The following FHIT variants were observed in gnomAD, a reference collection of about 807,000 sequenced individuals.
The protein encoded by FHIT is bis(5'-adenosyl)-triphosphatase.
In FHIT, 19 loss-of-function variants were observed where a neutral mutation model predicts 17.9. That is an observed-to-expected ratio of 1.06 (90% CI 0.74 to 1.56). The LOEUF is 1.56. FHIT is among the 40% of genes most tolerant of loss of function. FHIT has a pLI of 0.00. For synonymous variants in FHIT, 81 were observed against 69.7 expected (o/e 1.16, Z -0.81); for missense variants, 248 against 189.2 (o/e 1.31, Z -1.82).
intron 2 of FHIT, among the ~76,000 whole-genome samples, chr3:61,046,082 A>C (rs1333720145): frequency 6.6e-6 from 1 of 152,186 alleles, no homozygotes; most frequent in Non-Finnish European, 1.5e-5. Context: ...TAAAAGAACT[A>C]GAGAAGCAAG....
chr3:61,242,417 C>T (rs370947016), intron 1 of FHIT, among the ~76,000 whole-genome samples: 3 of 152,092 alleles, frequency 2.0e-5, no homozygotes, highest in Non-Finnish European at 4.4e-5. Flanking sequence ...GACTTCTTAC[C>T]TGCATAAACA....
chr3:60,970,529 T>A (rs1261889713), intron 3 of FHIT, among the ~76,000 whole-genome samples: 1 of 152,122 alleles, frequency 6.6e-6, no homozygotes, highest in Non-Finnish European at 1.5e-5. Context: ...CAGTTTTCTG[T>A]TCCTAAATTC....
At chr3:61,012,411 A>T (rs2031844191) in intron 3 of FHIT, among the ~76,000 whole-genome samples, 1 of 152,130 alleles carries the variant, frequency 6.6e-6, no homozygotes, top group Admixed American at 6.5e-5. Flanking sequence ...AAAAAATTTG[A>T]TGAGAAATTA....
chr3:60,494,247 C>A (rs1007468045), intron 5 of FHIT, among the ~76,000 whole-genome samples: 1 of 152,164 alleles, frequency 6.6e-6, no homozygotes, highest in Non-Finnish European at 1.5e-5. Flanking sequence ...TACCACTAAT[C>A]TGCTACCTCT....
intron 5 of FHIT, among the ~76,000 whole-genome samples, chr3:60,345,883 T>C (rs765370304): frequency 3.3e-5 from 5 of 152,220 alleles, no homozygotes; most frequent in African/African-American, 9.6e-5. Flanking sequence ...CACAGATGCA[T>C]TCTATTAATT....
At chr3:60,063,240 G>A (rs543424492) in intron 5 of FHIT, among the ~76,000 whole-genome samples, 20 of 152,202 alleles carry the variant, frequency 1.3e-4, no homozygotes, top group South Asian at 4.2e-4. Flanking sequence ...ACAAGGTCCC[G>A]ACTGACATCT....
chr3:60,533,085 C>A (rs1170136171), intron 5 of FHIT, among the ~76,000 whole-genome samples: 1 of 152,020 alleles, frequency 6.6e-6, no homozygotes, highest in Admixed American at 6.5e-5. Context: ...GGCAAAGAAC[C>A]TTCTCCCATC....
intron 4 of FHIT, among the ~76,000 whole-genome samples, chr3:60,720,932 A>C (rs2041795792): frequency 6.6e-6 from 1 of 152,156 alleles, no homozygotes; most frequent in Admixed American, 6.5e-5. Context: ...CCCAAGCCAG[A>C]AGAAAACCTT....
rs1026439403 is a variant in FHIT at position 60,054,263 on chromosome 3, A to C, written c.104-40111T>G. On this transcript the variant is annotated intron_variant, in intron 5 of 9. Coordinates refer to ENST00000492590, the MANE Select transcript of FHIT (RefSeq NM_002012.4). ...AAGGACAGGTGAGAGCAAAAGAAAG[A>C]AAAACGGTTACAGAGTGTAAAACTA... Among the ~76,000 whole-genome samples, 6 of 152,254 alleles carry C rather than the reference A, an allele frequency of 3.9e-5. No homozygotes were observed. The East Asian group carries it at 1.2e-3, about 29-fold the overall frequency.
chr3:60,468,394 C>T (rs1370576605), intron 5 of FHIT, among the ~76,000 whole-genome samples: 2 of 151,988 alleles, frequency 1.3e-5, no homozygotes, highest in African/African-American at 2.4e-5. Context: ...TTCCTGTCTT[C>T]CTTTTAATGA....
At chr3:60,348,359 G>A (rs1710903519) in intron 5 of FHIT, among the ~76,000 whole-genome samples, 2 of 151,476 alleles carry the variant, frequency 1.3e-5, no homozygotes, top group Non-Finnish European at 2.9e-5. Flanking sequence ...CAATAATGTT[G>A]AAATCTTTTC....
intron 5 of FHIT, among the ~76,000 whole-genome samples, chr3:60,526,986 C>A (rs1458239171): frequency 6.6e-6 from 1 of 152,108 alleles, no homozygotes; most frequent in Non-Finnish European, 1.5e-5. Context: ...GGTTTGGGGG[C>A]GTGGAGGTAT....
chr3:60,222,676 C>T (rs1221345157), intron 5 of FHIT, among the ~76,000 whole-genome samples: 2 of 152,102 alleles, frequency 1.3e-5, no homozygotes, highest in Non-Finnish European at 2.9e-5. Context: ...ATAACATTTC[C>T]TACCACCTTT....
At chr3:60,525,217 G>A (rs2035527981) in intron 5 of FHIT, among the ~76,000 whole-genome samples, 1 of 152,198 alleles carries the variant, frequency 6.6e-6, no homozygotes, top group Admixed American at 6.5e-5. Context: ...GTTGGCTTAA[G>A]AGCATGCCAA....
At chr3:61,233,995 T>G (rs985524574) in intron 1 of FHIT, among the ~76,000 whole-genome samples, 1 of 152,212 alleles carries the variant, frequency 6.6e-6, no homozygotes, top group African/African-American at 2.4e-5. Flanking sequence ...CTGAAAGCAT[T>G]TGAAGCTGAC....
At chr3:60,830,064 T>A (rs1030596890) in intron 3 of FHIT, among the ~76,000 whole-genome samples, 3 of 152,040 alleles carry the variant, frequency 2.0e-5, no homozygotes, top group Non-Finnish European at 4.4e-5. Flanking sequence ...TGGGCATCCC[T>A]CCACAACTGA....
At chr3:60,526,735 G>T (rs1416076788) in intron 5 of FHIT, among the ~76,000 whole-genome samples, 1 of 152,054 alleles carries the variant, frequency 6.6e-6, no homozygotes, top group Non-Finnish European at 1.5e-5. Context: ...CTCTCCAAAA[G>T]CAATTGTACC....
At chr3:60,107,325 T>A (rs1559638326) in intron 5 of FHIT, among the ~76,000 whole-genome samples, 1 of 151,820 alleles carries the variant, frequency 6.6e-6, no homozygotes, top group East Asian at 1.9e-4. Flanking sequence ...GAAACAAAAC[T>A]AAAAAAAATT....
chr3:60,335,750 A>T (rs1037442743), intron 5 of FHIT, among the ~76,000 whole-genome samples: 3 of 152,182 alleles, frequency 2.0e-5, no homozygotes, highest in African/African-American at 7.2e-5. Context: ...ATTGGGTTGG[A>T]TAAACTATAT....
Sources: allele counts gnomAD v4.1 joint callset (sites outside exome capture counted in the v4.1 genomes callset), GRCh38; gene constraint gnomAD v4.1.1; transcripts MANE v1.5; gene names NCBI Gene and HGNC (gene_info 2026-07-23, HGNC 2026-07-21).